Variants in TADA1 observed in about 807,000 individuals in gnomAD.
TADA1 encodes transcriptional adapter 1.
Under a neutral mutation model 39.3 loss-of-function variants are expected in TADA1, and 23 were observed. That is an observed-to-expected ratio of 0.58 (90% CI 0.42 to 0.83). The LOEUF (loss-of-function observed/expected upper bound fraction) is 0.83. Ranked by LOEUF, TADA1 falls within the 40% of genes least tolerant of loss-of-function variation. TADA1 has a pLI of 0.00. For synonymous variants in TADA1, 137 were observed against 151.8 expected, an observed-to-expected ratio of 0.90 and a Z score of 0.72; for missense variants, 352 against 408.1, an observed-to-expected ratio of 0.86 and a Z score of 1.18.
At chr1:166,872,362 C>A (rs1005245483) in intron 1 of TADA1, among the ~76,000 whole-genome samples, 3 of 152,288 alleles carry the variant, frequency 2.0e-5, no homozygotes, top group Admixed American at 2.0e-4. Flanking sequence ...TTCCCCATTT[C>A]TTGTTTCCTT....
At chr1:166,876,082 C>T in intron 1 of TADA1, 78 bp downstream of exon 1, 1 of 1,406,386 alleles carries the variant, frequency 7.1e-7, no homozygotes, top group Non-Finnish European at 9.6e-7. Context: ...ACGCGGGCGT[C>T]TCCGGGGCGG....
intron 3 of TADA1, chr1:166,869,139 G>C: frequency 2.7e-6 from 1 of 370,820 alleles, no homozygotes; most frequent in South Asian, 3.2e-5. Context: ...TTTTTCTCCA[G>C]AAACAGAAAT....
At chr1:166,861,564 G>A (rs1445993823) in intron 5 of TADA1, among the ~76,000 whole-genome samples, 1 of 152,202 alleles carries the variant, frequency 6.6e-6, no homozygotes, top group South Asian at 2.1e-4. Context: ...ATACTCTTCA[G>A]TGCTGTATCA....
rs759506442 is a variant in TADA1 at position 166,858,201 on chromosome 1, G to A, written c.773C>T (p.Ala258Val). The A allele has an allele frequency of 8.7e-6, 14 of 1,613,122 alleles. No individual in the cohort carries two copies. The South Asian group carries it at 1.4e-4, about 16-fold the overall frequency. ...GTCTCCGGAGCATGCCAGCAGGAGTGCAGCCTGCTGCTCAGCATCATCAGG... is the reference window on the plus strand; with the variant it reads ...GTCTCCGGAGCATGCCAGCAGGAGTACAGCCTGCTGCTCAGCATCATCAGG... The part of the protein sequence containing the change: ...PPPDDAEQQA[A>V]LLLACSGDTL... The change falls in exon 7 of 8, where the codon GCA (alanine) becomes GTA (valine). Residue 258 changes from alanine to valine, a missense_variant. Physicochemically the swap from Ala to Val is moderately conservative, Grantham distance 64. Around this residue, in one of 3 missense-constraint regions of TADA1, gnomAD observed 285 missense variants for 310.9 expected, o/e 0.92. Transcript: ENST00000367874.
At position 166,858,293 on chromosome 1, in the gene TADA1, A is replaced by C. The variant is rs2101785187; in HGVS notation, c.693-12T>G. 1 of 1,526,526 alleles carries C rather than the reference A, an allele frequency of 6.6e-7. No homozygotes were observed. Among genetic ancestry groups the C allele is most frequent in the Non-Finnish European group, 8.8e-7 (1 of 1,139,844 alleles). The allele number at this position is 1,526,526 out of a possible 1,614,324, so 94.6% of individuals were successfully genotyped here. On this transcript the variant is annotated splice_polypyrimidine_tract_variant and intron_variant, in intron 6 of 7. Coordinates refer to ENST00000367874, the MANE Select transcript of TADA1 (RefSeq NM_053053.4). Reference sequence around the variant, plus strand: ...TAAAAGCTGGAGGGCTGAAAATAAAAATTTCAGAAATAGTCCCAGCACAGA... The same window carrying C: ...TAAAAGCTGGAGGGCTGAAAATAAACATTTCAGAAATAGTCCCAGCACAGA...
Position 166,857,550 on chromosome 1 carries a change from C to T in TADA1, c.*17G>A, listed in dbSNP as rs377364573. The T allele has an allele frequency of 1.2e-6, 2 of 1,612,816 alleles. No homozygotes were observed. The highest frequency in any genetic ancestry group is 1.1e-5 in the South Asian group (1 of 90,874). On this transcript the variant is annotated 3_prime_UTR_variant, in exon 8 of 8. Coordinates refer to ENST00000367874, the MANE Select transcript of TADA1 (RefSeq NM_053053.4). ...ATCAATGAATTCGGTGAGGGTCCCACACCCTCAAATCCTAATTTAGCACAG... is the reference window on the plus strand; with the variant it reads ...ATCAATGAATTCGGTGAGGGTCCCATACCCTCAAATCCTAATTTAGCACAG...
chr1:166,875,329 C>T (rs1272568886), intron 1 of TADA1, among the ~76,000 whole-genome samples: 4 of 152,278 alleles, frequency 2.6e-5, no homozygotes, highest in African/African-American at 7.2e-5. Context: ...CTTGGCCATT[C>T]TGCACCTAAC....
chr1:166,857,626 G>A lies in TADA1; in HGVS notation c.949C>T (p.Gln317Ter). The change falls in exon 8 of 8, where the codon CAG becomes TAG. Residue 317 changes from glutamine (Q) to a stop codon, truncating the protein, a stop_gained. Coordinates refer to ENST00000367874, the MANE Select transcript of TADA1 (RefSeq NM_053053.4). LOFTEE classifies it high-confidence loss of function. The stretch of plus-strand genomic sequence containing the variant: ...CGCTGGCGGTGAACTTTGTCTTGCT[G>A]CAGCTCTTCATGATTTGGATGCCAG... ...KLWHPNHEEL[Q>*]QDKVHRQRLA... 6.2e-7 allele frequency: 1 copy of A among 1,614,168 alleles called. No homozygotes were observed. The highest frequency in any genetic ancestry group is 8.5e-7 in the Non-Finnish European group (1 of 1,180,022).
chr1:166,874,657 C>T (rs997809621), intron 1 of TADA1, among the ~76,000 whole-genome samples: 2 of 151,990 alleles, frequency 1.3e-5, no homozygotes, highest in Non-Finnish European at 2.9e-5. Context: ...CGGGGCGTGC[C>T]TACAGTCCCA....
chr1:166,872,410 G>A (rs1233033882), intron 1 of TADA1, among the ~76,000 whole-genome samples: 1 of 152,160 alleles, frequency 6.6e-6, no homozygotes, highest in Non-Finnish European at 1.5e-5. Context: ...GGTGGCTCAT[G>A]CCTATAATCT....
rs1057343407 is a variant in TADA1, at chr1:166,863,641, CAA to C, written c.330+181_330+182del. 48 of 604,698 alleles carry C rather than the reference CAA, an allele frequency of 7.9e-5. 1 individual carries two copies. Among genetic ancestry groups the C allele is most frequent in the Admixed American group, 4.7e-4 (14 of 29,630 alleles). The allele number at this position is 604,698 out of a possible 1,614,324, so 37.5% of individuals were successfully genotyped here. ...ACATTACTATTTAAGCAGTAACAAA[CAA>C]GAACTATAAAAATTCAGACACCTAG... On this transcript the variant is annotated intron_variant, in intron 4 of 7. Coordinates refer to ENST00000367874, the MANE Select transcript of TADA1 (RefSeq NM_053053.4).
intron 1 of TADA1, among the ~76,000 whole-genome samples, chr1:166,871,521 T>TTTG (rs371015574): frequency 6.6e-4 from 101 of 152,188 alleles, no homozygotes; most frequent in African/African-American, 1.5e-3. Context: ...TGGGTTGATG[T>TTTG]TTGTTGTTGT....
At chr1:166,871,824 CCAA>C (rs983717564) in intron 1 of TADA1, among the ~76,000 whole-genome samples, 11 of 151,832 alleles carry the variant, frequency 7.2e-5, no homozygotes, top group African/African-American at 1.9e-4. Context: ...CCCATTCTAT[CCAA>C]CAACAACAAA....
chr1:166,873,144 G>A (rs369799312), intron 1 of TADA1, among the ~76,000 whole-genome samples: 11 of 152,034 alleles, frequency 7.2e-5, no homozygotes, highest in African/African-American at 2.4e-4. Flanking sequence ...GGTGGTGGGC[G>A]CCTGTAATCG....
At chr1:166,866,771 G>T (rs370443258) in intron 3 of TADA1, among the ~76,000 whole-genome samples, 3 of 151,218 alleles carry the variant, frequency 2.0e-5, no homozygotes, top group African/African-American at 7.3e-5. Flanking sequence ...TTGAGACAGG[G>T]TATTAGTCTG....
Position 166,862,360 on chromosome 1 carries a change from T to C in TADA1, c.383A>G (p.Lys128Arg). The C allele has an allele frequency of 6.2e-7, 1 of 1,614,208 alleles. No individual in the cohort carries two copies. The highest frequency in any genetic ancestry group is 8.5e-7 in the Non-Finnish European group (1 of 1,180,036). ...PLSGAQQFVA[K>R]DPQDDDDLKL... ...CAAGTCGTCATCATCTTGGGGATCC[T>C]TTGCCACAAATTGCTGGGCTCCTGA... The change falls in exon 5 of 8, where the codon AAG (lysine) becomes AGG (arginine). Residue 128 changes from lysine to arginine, a missense_variant. Lys to Arg is a conservative substitution (Grantham distance 26, BLOSUM62 2). Coordinates refer to ENST00000367874, the MANE Select transcript of TADA1 (RefSeq NM_053053.4).
intron 1 of TADA1, among the ~76,000 whole-genome samples, chr1:166,871,038 T>C (rs1658646699): frequency 6.6e-6 from 1 of 152,194 alleles, no homozygotes; most frequent in Non-Finnish European, 1.5e-5. Context: ...GGTGACATCC[T>C]TCCCTTCAGA....
Position 166,857,977 on chromosome 1 carries a change from T to C in TADA1, c.855+142A>G, listed in dbSNP as rs542749596. The C allele has an allele frequency of 1.2e-5, 13 of 1,112,732 alleles. 1 individual carries two copies. The East Asian group carries it at 3.1e-4, about 27-fold the overall frequency. 68.9% of individuals were successfully genotyped at this position (1,112,732 alleles called of 1,614,324 possible). A position where few individuals can be genotyped will look rare whatever the true frequency, so the allele number is the denominator to read the frequency against. On this transcript the variant is annotated intron_variant, in intron 7 of 7. Transcript: ENST00000367874. ...CTCAGGATTTGAAAAATGAGGCTAGTATTAATAACGGCTTTTATAACAGAC... is the reference window on the plus strand; with the variant it reads ...CTCAGGATTTGAAAAATGAGGCTAGCATTAATAACGGCTTTTATAACAGAC...
chr1:166,864,468 C>A (rs1383298633), intron 3 of TADA1, among the ~76,000 whole-genome samples: 1 of 152,096 alleles, frequency 6.6e-6, no homozygotes, highest in Non-Finnish European at 1.5e-5. Context: ...GAGGCAGAAG[C>A]ACGTCAACCT....
Sources: allele counts gnomAD v4.1 joint callset (sites outside exome capture counted in the v4.1 genomes callset), GRCh38; gene constraint gnomAD v4.1.1; regional missense constraint gnomAD v4.1.1; transcripts MANE v1.5; gene names NCBI Gene and HGNC (gene_info 2026-07-23, HGNC 2026-07-21).